SAMD4B: variants seen among roughly 807,000 people sequenced by gnomAD.
The protein encoded by SAMD4B is sterile alpha motif domain containing 4B.
A neutral mutation model predicts 74.5 loss-of-function variants in SAMD4B; 5 were observed. The observed-to-expected ratio is 0.07, with a 90% confidence interval of 0.04 to 0.14. The LOEUF is 0.14. SAMD4B is among the 10% of genes least tolerant of loss of function. SAMD4B has a pLI of 1.00. For missense variants in SAMD4B, 608 were observed against 921.8 expected (o/e 0.66, Z 4.41); for synonymous variants, 373 against 374.9 (o/e 1.00, Z 0.06).
At chr19:39,390,380 G>C, downstream of SAMD4B, 2 of 1,255,200 alleles carry the variant, frequency 1.6e-6, no homozygotes, top group Non-Finnish European at 2.3e-6. Flanking sequence ...AAAGGTAGGA[G>C]GGGTGACAAA....
At position 39,383,886 on chromosome 19, in the gene SAMD4B, C is replaced by T; in HGVS notation, c.*359C>T. 1 of 626,616 alleles carries T rather than the reference C, an allele frequency of 1.6e-6. No individual in the cohort carries two copies. Among genetic ancestry groups the T allele is most frequent in the South Asian group, 2.0e-5 (1 of 51,104 alleles). The allele number at this position is 626,616 out of a possible 1,614,324, so 38.8% of individuals were successfully genotyped here. On this transcript the variant is annotated 3_prime_UTR_variant, in exon 14 of 14. Transcript: ENST00000610417. The surrounding 1 kb of genome is among the most constrained non-coding windows in gnomAD (Gnocchi z 4.1). The stretch of plus-strand genomic sequence containing the variant: ...GCCTCTCCCCAAGGGAGCAGACTCC[C>T]CAGAGACAAACTGACCACTACCTTG...
At chr19:39,343,902 A>G (rs1261471621) in intron 1 of SAMD4B, among the ~76,000 whole-genome samples, 2 of 149,256 alleles carry the variant, frequency 1.3e-5, no homozygotes, top group Non-Finnish European at 3.0e-5. Context: ...TTTTAGAGGA[A>G]TTTTCTGAAG....
chr19:39,358,601 G>GT lies in SAMD4B; in HGVS notation c.196+1513dup, dbSNP rs1201217900. On this transcript the variant is annotated intron_variant, in intron 3 of 13. Coordinates refer to ENST00000610417, the MANE Select transcript of SAMD4B (RefSeq NM_001384574.2). Reference sequence around the variant, plus strand: ...ATATCCTGAGAAGTATGTAACCTCAGTAAAAAAAAAAAAAGAAAAGGAAAG... The same window carrying GT: ...ATATCCTGAGAAGTATGTAACCTCAGTTAAAAAAAAAAAAAGAAAAGGAAAG... Among the ~76,000 whole-genome samples, 59 of 143,298 alleles carry GT rather than the reference G, an allele frequency of 4.1e-4. 1 individual carries two copies. The highest frequency in any genetic ancestry group is 4.0e-3 in the Admixed American group (57 of 14,346). The allele number at this position is 143,298 out of a possible 152,430, so 94.0% of individuals were successfully genotyped here.
chr19:39,343,300 A>G (rs1479763726), intron 1 of SAMD4B, among the ~76,000 whole-genome samples: 1 of 147,226 alleles, frequency 6.8e-6, no homozygotes, highest in East Asian at 2.0e-4. Flanking sequence ...TTTTCCGCTC[A>G]TACCCCCTGC....
At chr19:39,366,668 G>A (rs180818676) in intron 3 of SAMD4B, among the ~76,000 whole-genome samples, 1 of 152,314 alleles carries the variant, frequency 6.6e-6, no homozygotes, top group Admixed American at 6.5e-5. Context: ...ATCATTAAGA[G>A]AAATAGGGCT....
chr19:39,382,628 C>T (rs1330448776), intron 12 of SAMD4B, among the ~76,000 whole-genome samples: 1 of 152,028 alleles, frequency 6.6e-6, no homozygotes, highest in Non-Finnish European at 1.5e-5. Context: ...TGAGGGAGGT[C>T]AGGTCTGCCC....
chr19:39,388,846 G>GATC, downstream of SAMD4B: 4 of 1,614,104 alleles, frequency 2.5e-6, no homozygotes, highest in Non-Finnish European at 1.7e-6. Context: ...GATCACCTGA[G>GATC]CACATGGATT....
At chr19:39,365,504 G>A (rs1167038115) in intron 3 of SAMD4B, among the ~76,000 whole-genome samples, 1 of 151,960 alleles carries the variant, frequency 6.6e-6, no homozygotes, top group Non-Finnish European at 1.5e-5. Context: ...GCAGTGAACC[G>A]AGATCATGCC....
In SAMD4B at chr19:39,383,337, T is replaced by G; in HGVS notation, c.2056+46T>G. The G allele has an allele frequency of 1.2e-6, 2 of 1,601,938 alleles. No homozygotes were observed. The highest frequency in any genetic ancestry group is 1.7e-4 in the Middle Eastern group (1 of 6,038). Reference sequence around the variant, plus strand: ...TGACCCAGCTCCCACCTACCCAGCGTCTCTGCCTCTGAACTGAGCAACTCA... The same window carrying G: ...TGACCCAGCTCCCACCTACCCAGCGGCTCTGCCTCTGAACTGAGCAACTCA... On this transcript the variant is annotated intron_variant, in intron 13 of 13. Transcript: ENST00000610417. The surrounding 1 kb of genome is among the most constrained non-coding windows in gnomAD (Gnocchi z 4.1).
chr19:39,358,316 T>C (rs754089744), intron 3 of SAMD4B, among the ~76,000 whole-genome samples: 10 of 152,174 alleles, frequency 6.6e-5, no homozygotes, highest in Non-Finnish European at 1.2e-4. Flanking sequence ...GGCTCTCAAG[T>C]CAGACTGTCT....
the SAMD4B span, chr19:39,390,762 G>A: frequency 3.9e-6 from 6 of 1,528,334 alleles, no homozygotes; most frequent in Admixed American, 2.0e-5. Context: ...ACGTTGTTCA[G>A]CAGAAACCCT....
At chr19:39,374,632 G>A (rs540009678) in intron 4 of SAMD4B, among the ~76,000 whole-genome samples, 57 of 152,274 alleles carry the variant, frequency 3.7e-4, no homozygotes, top group African/African-American at 1.3e-3. Context: ...ACGAGGTCAG[G>A]AGATTGAGAC....
At chr19:39,355,821 G>T (rs76494230) in intron 2 of SAMD4B, among the ~76,000 whole-genome samples, 3,160 of 152,262 alleles carry the variant, frequency 0.021, 49 homozygotes, top group Middle Eastern at 0.041. Flanking sequence ...CCTCAGGTTG[G>T]CATTTTCTTT....
In SAMD4B at chr19:39,377,662, G is replaced by A; in HGVS notation, c.1282G>A (p.Ala428Thr). Residue 428 changes from alanine (A) to threonine (T), a missense_variant, in exon 8 of 14, where the codon GCC becomes ACC. By Grantham distance (58) the Ala-to-Thr change is moderately conservative. Coordinates refer to ENST00000610417, the MANE Select transcript of SAMD4B (RefSeq NM_001384574.2). ...GCTGCCAGGTGCTGAGCCTCCCCTA[G>A]CCCACCCCGGCACAGACAAAGGCAC... Reference protein sequence around the residue: ...PPLPGAEPPLAHPGTDKGTEA... With the variant: ...PPLPGAEPPLTHPGTDKGTEA... 1 of 1,614,052 alleles carries A rather than the reference G, an allele frequency of 6.2e-7. No individual in the cohort carries two copies. Among genetic ancestry groups the A allele is most frequent in the Non-Finnish European group, 8.5e-7 (1 of 1,179,948 alleles).
At position 39,383,763 on chromosome 19, in the gene SAMD4B, G is replaced by C. The variant is rs1376092760; in HGVS notation, c.*236G>C. On this transcript the variant is annotated 3_prime_UTR_variant, in exon 14 of 14. Coordinates refer to ENST00000610417, the MANE Select transcript of SAMD4B (RefSeq NM_001384574.2). The surrounding 1 kb of genome is among the most constrained non-coding windows in gnomAD (Gnocchi z 4.1). ...GGAGTTGGGGGCAGCCAGGATAAAG[G>C]GGGCAGGGACTGGCCAGACTGCCTG... 3.3e-6 allele frequency: 5 copies of C among 1,504,460 alleles called. No homozygotes were observed. The highest frequency in any genetic ancestry group is 4.5e-6 in the Non-Finnish European group (5 of 1,119,522). 93.2% of individuals were successfully genotyped at this position (1,504,460 alleles called of 1,614,324 possible).
At chr19:39,369,516 A>G in intron 3 of SAMD4B, 139 bp from the exon 4 acceptor site, 1 of 679,602 alleles carries the variant, frequency 1.5e-6, no homozygotes, top group South Asian at 1.9e-5. Context: ...TATATGAGGG[A>G]TAAGTTTGGG....
intron 7 of SAMD4B, among the ~76,000 whole-genome samples, chr19:39,377,068 C>T (rs2077643430): frequency 6.6e-6 from 1 of 152,210 alleles, no homozygotes; most frequent in Admixed American, 6.5e-5. Context: ...CCATTTCTTA[C>T]TGGTCTTTCT....
downstream of SAMD4B, among the ~76,000 whole-genome samples, chr19:39,390,466 A>T (rs1046939125): frequency 6.6e-6 from 1 of 152,212 alleles, no homozygotes; most frequent in Non-Finnish European, 1.5e-5. Flanking sequence ...CAATTTATTT[A>T]GGAAGAAATG....
downstream of SAMD4B, chr19:39,388,404 A>G (rs765307491): frequency 4.3e-6 from 7 of 1,614,112 alleles, no homozygotes; most frequent in East Asian, 8.9e-5. Flanking sequence ...AGTTTTCCTC[A>G]TAGCCCTTGC....
Sources: gnomAD v4.1 joint callset for allele counts (sites outside exome capture counted in the v4.1 genomes callset) on GRCh38, gnomAD v4.1.1 for gene constraint, Gnocchi (gnomAD v3.1) non-coding constraint, MANE v1.5 for transcripts, NCBI Gene and HGNC (gene_info 2026-07-23, HGNC 2026-07-21) for gene names.